Variants in TNS3 observed in about 807,000 individuals in gnomAD.
TNS3 encodes the protein tensin-3.
In TNS3, 45 loss-of-function variants were observed where a neutral mutation model predicts 140.9. That is an observed-to-expected ratio of 0.32 (90% CI 0.25 to 0.41). TNS3 has a LOEUF of 0.41. TNS3 is among the 10% of genes least tolerant of loss of function. TNS3 has a pLI of 1.00. For synonymous variants in TNS3, 815 were observed against 788.4 expected, an observed-to-expected ratio of 1.03 and a Z score of -0.56; for missense variants, 1,716 against 1,906.7, an observed-to-expected ratio of 0.90 and a Z score of 1.86.
At chr7:47,420,278 G>A (rs1183539002) in intron 10 of TNS3, among the ~76,000 whole-genome samples, 1 of 152,170 alleles carries the variant, frequency 6.6e-6, no homozygotes, top group Admixed American at 6.5e-5. Flanking sequence ...AGGAGAATGT[G>A]GGGTAATGGT....
At chr7:47,361,786 C>A (rs1790351962) in intron 17 of TNS3, among the ~76,000 whole-genome samples, 1 of 152,250 alleles carries the variant, frequency 6.6e-6, no homozygotes, top group South Asian at 2.1e-4. Flanking sequence ...ACATTAAATG[C>A]CTGGTGGGAA....
chr7:47,535,748 G>A (rs1221572398), intron 1 of TNS3, among the ~76,000 whole-genome samples: 1 of 152,232 alleles, frequency 6.6e-6, no homozygotes, highest in Non-Finnish European at 1.5e-5. Flanking sequence ...ATTGAACAGG[G>A]AGGTGCTCCA....
chr7:47,464,059 T>G (rs998146815), intron 4 of TNS3, among the ~76,000 whole-genome samples: 2 of 152,294 alleles, frequency 1.3e-5, no homozygotes, highest in East Asian at 3.9e-4. Context: ...TCTTCATCCC[T>G]AGGATGCCTC....
Position 47,292,001 on chromosome 7 carries a change from G to T in TNS3, c.3882C>A (p.Pro1294=). 6.2e-7 allele frequency: 1 copy of T among 1,614,152 alleles called. No homozygotes were observed. The highest frequency in any genetic ancestry group is 8.5e-7 in the Non-Finnish European group (1 of 1,180,012). ...DPLEEIAESS[P]QTAANSAAEL... is the part of the protein sequence containing the mutation. The stretch of plus-strand genomic sequence containing the variant: ...CAGCTGCTGAATTGGCTGCCGTCTG[G>T]GGAGAACTTTCTGCTATTTCCTCCA... The change falls in exon 27 of 31, where the codon CCC becomes CCA. Residue 1294 remains proline, a synonymous_variant. Coordinates refer to ENST00000311160, the MANE Select transcript of TNS3 (RefSeq NM_022748.12).
chr7:47,405,180 G>A (rs1299733063), intron 13 of TNS3, among the ~76,000 whole-genome samples: 2 of 152,172 alleles, frequency 1.3e-5, no homozygotes, highest in Non-Finnish European at 2.9e-5. Context: ...TCAGCCCCAG[G>A]AATGCCAGTC....
intron 16 of TNS3, among the ~76,000 whole-genome samples, chr7:47,389,350 C>T (rs1197138558): frequency 2.0e-5 from 3 of 152,130 alleles, no homozygotes; most frequent in Non-Finnish European, 1.5e-5. Context: ...GTTTGTGTGC[C>T]GACTGGGGGT....
At chr7:47,366,733 A>ACCTGGGCAGGCCACATGTGAG (rs1324959220) in intron 17 of TNS3, among the ~76,000 whole-genome samples, 36 of 152,138 alleles carry the variant, frequency 2.4e-4, no homozygotes, top group Admixed American at 2.4e-3. Context: ...TCCCATGTGA[A>ACCTGGGCAGGCCACATGTGAG]CCTGGGCAGG....
chr7:47,360,015 C>A (rs1034708988), intron 17 of TNS3, among the ~76,000 whole-genome samples: 2 of 152,172 alleles, frequency 1.3e-5, no homozygotes, highest in Non-Finnish European at 2.9e-5. Context: ...GAAACCAAGG[C>A]CCCCTGCTTT....
At chr7:47,511,200 A>G (rs1400714113) in intron 2 of TNS3, among the ~76,000 whole-genome samples, 1 of 152,240 alleles carries the variant, frequency 6.6e-6, no homozygotes, top group Non-Finnish European at 1.5e-5. Flanking sequence ...TCTGGTGTAG[A>G]ATCAAAATGA....
chr7:47,529,182 A>G (rs1352808586), intron 1 of TNS3, 35 bp from the exon 2 acceptor site: 12 of 1,114,394 alleles, frequency 1.1e-5, no homozygotes, highest in African/African-American at 1.6e-5. Flanking sequence ...TCAACGTTTC[A>G]TCTCATAGTT....
intron 4 of TNS3, among the ~76,000 whole-genome samples, chr7:47,452,716 T>C (rs1796071116): frequency 6.6e-6 from 1 of 152,142 alleles, no homozygotes; most frequent in Admixed American, 6.5e-5. Flanking sequence ...CACAAATAAG[T>C]TTCCCAAGAA....
At chr7:47,411,943 A>C in intron 12 of TNS3, 141 bp from the exon 13 acceptor site, 1 of 760,450 alleles carries the variant, frequency 1.3e-6, no homozygotes, top group Non-Finnish European at 2.1e-6. Flanking sequence ...AATTCCTGAG[A>C]ATCTAAATGA....
At chr7:47,431,510 T>A (rs1276620142) in intron 8 of TNS3, among the ~76,000 whole-genome samples, 1 of 152,144 alleles carries the variant, frequency 6.6e-6, no homozygotes, top group Non-Finnish European at 1.5e-5. Context: ...GGAGAATCAC[T>A]TGAACCTGGG....
chr7:47,560,458 C>A lies in TNS3; in HGVS notation c.-265+21593G>T, dbSNP rs75597100. Among the ~76,000 whole-genome samples, 734 of 152,268 alleles carry A rather than the reference C, an allele frequency of 4.8e-3. 3 individuals are homozygous for A. Among genetic ancestry groups the A allele is most frequent in the African/African-American group, 0.017 (701 of 41,546 alleles). ...AAACCAATTAAGATATCACTCTGTCCAAAACCTGGTGTTTTCATGTCTTCC... is the reference window on the plus strand; with the variant it reads ...AAACCAATTAAGATATCACTCTGTCAAAAACCTGGTGTTTTCATGTCTTCC... On this transcript the variant is annotated intron_variant, in intron 1 of 30. Coordinates refer to ENST00000311160, the MANE Select transcript of TNS3 (RefSeq NM_022748.12).
rs373640446 is a variant in TNS3, at chr7:47,465,925, AAAATAAAT to A, written c.-76+15170_-76+15177del. Among the ~76,000 whole-genome samples the A allele has an allele frequency of 2.6e-3, 385 of 150,484 alleles. 3 individuals are homozygous for A. The highest frequency in any genetic ancestry group is 8.6e-3 in the African/African-American group (347 of 40,434). ...GGCAACAAGAGCGAAACTCCGTCTA[AAAATAAAT>A]AAATAAATAAATAAATAAATAATTT... On this transcript the variant is annotated intron_variant, in intron 4 of 30. Transcript: ENST00000311160.
At chr7:47,422,049 A>G (rs986710693) in intron 10 of TNS3, among the ~76,000 whole-genome samples, 1 of 152,204 alleles carries the variant, frequency 6.6e-6, no homozygotes, top group African/African-American at 2.4e-5. Context: ...AGCTGTCCTC[A>G]CACGTTCTTC....
chr7:47,497,793 C>T (rs1298931193), intron 3 of TNS3, among the ~76,000 whole-genome samples: 1 of 152,136 alleles, frequency 6.6e-6, no homozygotes, highest in Non-Finnish European at 1.5e-5. Flanking sequence ...GCTCTGTCCC[C>T]TGCCCCTCGA....
chr7:47,370,145 G>A (rs116024812), intron 16 of TNS3, among the ~76,000 whole-genome samples: 2,533 of 152,184 alleles, frequency 0.017, 66 homozygotes, highest in African/African-American at 0.058. Context: ...GCGTGGTGGC[G>A]CATGCCTGTA....
intron 20 of TNS3, among the ~76,000 whole-genome samples, chr7:47,324,907 G>C (rs904929836): frequency 1.3e-5 from 2 of 152,072 alleles, no homozygotes; most frequent in Admixed American, 1.3e-4. Context: ...TTGTCACCAA[G>C]ATATCCTTGA....
Sources: gnomAD v4.1 joint callset for allele counts (sites outside exome capture counted in the v4.1 genomes callset) on GRCh38, gnomAD v4.1.1 for gene constraint, MANE v1.5 for transcripts, NCBI Gene and HGNC (gene_info 2026-07-23, HGNC 2026-07-21) for gene names.